The following PUDP variants were observed in gnomAD, a reference collection of about 807,000 sequenced individuals.
PUDP encodes pseudouridine-5'-phosphatase.
A neutral mutation model predicts 9.4 loss-of-function variants in PUDP; 8 were observed. The ratio of observed to expected loss-of-function variants is 0.85; its 90% CI spans 0.50 to 1.53. The LOEUF (loss-of-function observed/expected upper bound fraction) is 1.53. PUDP is among the 40% of genes most tolerant of loss of function. The probability of loss-of-function intolerance (pLI) is 0.00; values close to 1 mark genes in which losing one functional copy is unlikely to be tolerated. For missense variants in PUDP, 188 were observed against 189.7 expected (o/e 0.99, Z 0.05); for synonymous variants, 99 against 80.7 (o/e 1.23, Z -1.22).
intron 3 of PUDP, among the ~76,000 whole-genome samples, chrX:6,762,540 G>A (rs751762196): frequency 8.9e-6 from 1 of 112,489 alleles, no homozygotes; most frequent in African/African-American, 3.2e-5. Context: ...GAGAAAGAAT[G>A]AGTGAGGAAA....
chrX:7,007,157 T>C (rs921311614), intron 1 of PUDP, among the ~76,000 whole-genome samples: 1 of 110,081 alleles, frequency 9.1e-6, no homozygotes, highest in Non-Finnish European at 1.9e-5. Flanking sequence ...CTGACTAAAA[T>C]TGGAGGGTTT....
At position 6,751,165 on chromosome X, in the gene PUDP, GAAAGAAAGAAAGAAAA is replaced by G. The variant is rs1466594482; in HGVS notation, c.*248-44715_*248-44700del. On this transcript the variant is annotated intron_variant and NMD_transcript_variant, in intron 3 of 3. Coordinates refer to the PUDP transcript ENST00000655425. Reference sequence around the variant, plus strand: ...TAAAAAAAAGGAAAGAAAGAAAAAAGAAAGAAAGAAAGAAAAAAAGAAAGAAAGAAAGAAAGAAAAA... The same window carrying G: ...TAAAAAAAAGGAAAGAAAGAAAAAAGAAAGAAAGAAAGAAAGAAAGAAAAA... 2.3e-3 allele frequency among the ~76,000 whole-genome samples: 252 copies of G among 107,740 alleles called. 4 individuals carry two copies. Among genetic ancestry groups the G allele is most frequent in the Admixed American group, 0.023 (231 of 9,979 alleles). The allele number at this position is 107,740 out of a possible 115,157, so 93.6% of individuals were successfully genotyped here.
intron 3 of PUDP, among the ~76,000 whole-genome samples, chrX:6,818,267 A>G (rs1926283799): frequency 8.9e-6 from 1 of 112,144 alleles, no homozygotes; most frequent in African/African-American, 3.2e-5. Context: ...AGGAAAGTCT[A>G]TAAAGATGAT....
rs182257555 is a variant in PUDP, at chrX:7,077,378, C to T, written c.352G>A (p.Ala118Thr). The T allele has an allele frequency of 2.1e-5, 25 of 1,208,678 alleles. No individual in the cohort carries two copies. The highest frequency in any genetic ancestry group is 2.6e-5 in the Non-Finnish European group (23 of 894,722). ...CGGCTTGTCTTCATATCGAACGACG[C>T]GGACCCCGAGCTGGTGGCCAGTGCA... ...PFALATSSGS[A>T]SFDMKTSRHK... Residue 118 changes from alanine to threonine, a missense_variant, in exon 3 of 4, where the codon GCG (alanine) becomes ACG (threonine). Transcript: ENST00000381077.
At chrX:6,860,349 AG>A (rs796489757) in intron 3 of PUDP, among the ~76,000 whole-genome samples, 1 of 110,591 alleles carries the variant, frequency 9.0e-6, no homozygotes, top group East Asian at 2.8e-4. Context: ...TATGTTTCCC[AG>A]GGTCATCTAA....
At chrX:6,728,840 G>A (rs932106505) in intron 3 of PUDP, among the ~76,000 whole-genome samples, 3 of 111,023 alleles carry the variant, frequency 2.7e-5, no homozygotes, top group East Asian at 2.8e-4. Context: ...TTCCAGGATC[G>A]CACCCAGGAT....
At position 6,751,218 on chromosome X, in the gene PUDP, C is replaced by G. The variant is rs779728658; in HGVS notation, c.*248-44752G>C. On this transcript the variant is annotated intron_variant and NMD_transcript_variant, in intron 3 of 3. Transcript: ENST00000655425. ...GAAAGAAAGAAAAAGAAAATTGCAA[C>G]TGTGTCATGATGGTTGCAATTGTGA... Among the ~76,000 whole-genome samples, 5 of 111,273 alleles carry G rather than the reference C, an allele frequency of 4.5e-5. No individual in the cohort carries two copies. The South Asian group carries it at 1.2e-3, about 26-fold the overall frequency.
At chrX:6,999,171 A>G (rs1461838773) in intron 1 of PUDP, among the ~76,000 whole-genome samples, 1 of 111,196 alleles carries the variant, frequency 9.0e-6, no homozygotes, top group Non-Finnish European at 1.9e-5. Context: ...TCACACAGCA[A>G]TAACTAGACC....
At chrX:6,759,169 G>A (rs916032958) in intron 3 of PUDP, among the ~76,000 whole-genome samples, 15 of 112,321 alleles carry the variant, frequency 1.3e-4, no homozygotes, top group African/African-American at 4.5e-4. Flanking sequence ...GGAGCCCAAA[G>A]AGTCAGCTGT....
At chrX:6,956,870 C>T (rs1206990548) in intron 3 of PUDP, among the ~76,000 whole-genome samples, 1 of 111,103 alleles carries the variant, frequency 9.0e-6, no homozygotes, top group African/African-American at 3.3e-5. Context: ...GTGTTTTGTA[C>T]TCTGTTGGGT....
chrX:6,720,431 C>T (rs1224707332), intron 1 of PUDP, among the ~76,000 whole-genome samples: 1 of 105,522 alleles, frequency 9.5e-6, no homozygotes, highest in African/African-American at 3.5e-5. Flanking sequence ...TATGATCTCA[C>T]TTAGATTTGG....
At chrX:7,064,732 G>A (rs778243929) in intron 3 of PUDP, among the ~76,000 whole-genome samples, 1 of 111,608 alleles carries the variant, frequency 9.0e-6, no homozygotes, top group Non-Finnish European at 1.9e-5. Context: ...AACAGTATGT[G>A]ATTAAACTAT....
chrX:7,088,497 C>A (rs1417972975), intron 2 of PUDP, among the ~76,000 whole-genome samples: 1 of 111,982 alleles, frequency 8.9e-6, no homozygotes, highest in Admixed American at 9.5e-5. Context: ...AAAAATGACT[C>A]AATATTTCCC....
At chrX:6,986,222 T>C (rs960142079) in intron 1 of PUDP, among the ~76,000 whole-genome samples, 2 of 112,100 alleles carry the variant, frequency 1.8e-5, no homozygotes, top group Non-Finnish European at 3.8e-5. Flanking sequence ...GCCATTCTTT[T>C]ATTCCTCTCC....
chrX:6,932,650 G>A (rs1462441807), intron 3 of PUDP, among the ~76,000 whole-genome samples: 1 of 111,921 alleles, frequency 8.9e-6, no homozygotes, highest in South Asian at 3.7e-4. Flanking sequence ...CCGTGCGCGA[G>A]CCGAAGCAGG....
intron 1 of PUDP, among the ~76,000 whole-genome samples, chrX:7,128,791 CTG>C (rs1294742660): frequency 1.8e-5 from 2 of 112,071 alleles, no homozygotes; most frequent in Non-Finnish European, 3.8e-5. Flanking sequence ...ATCTTACATT[CTG>C]TGTTTACATT....
chrX:7,012,508 T>C (rs185451016), intron 1 of PUDP, among the ~76,000 whole-genome samples: 17 of 111,710 alleles, frequency 1.5e-4, no homozygotes, highest in African/African-American at 4.9e-4. Flanking sequence ...TCATTCTGCT[T>C]GGCAGAGTCA....
intron 3 of PUDP, among the ~76,000 whole-genome samples, chrX:6,807,457 C>T (rs1435663469): frequency 1.8e-5 from 2 of 112,547 alleles, no homozygotes; most frequent in Non-Finnish European, 3.7e-5. Flanking sequence ...AGCTTCCCCT[C>T]TCGTACCATT....
At position 6,752,129 on chromosome X, in the gene PUDP, TCCTTC is replaced by T. The variant is rs1925100432; in HGVS notation, c.*248-45668_*248-45664del. Reference sequence around the variant, plus strand: ...CTATAAATCCTCATTCATTCTGACCTCCTTCGGAAGCATTTAAACCCCATATCACT... The same window carrying T: ...CTATAAATCCTCATTCATTCTGACCTGGAAGCATTTAAACCCCATATCACT... On this transcript the variant is annotated intron_variant and NMD_transcript_variant, in intron 3 of 3. Transcript: ENST00000655425. Among the ~76,000 whole-genome samples, 7 of 111,769 alleles carry T rather than the reference TCCTTC, an allele frequency of 6.3e-5. No individual in the cohort carries two copies. The East Asian group carries it at 1.1e-3, about 18-fold the overall frequency.
Sources: allele counts gnomAD v4.1 joint callset (sites outside exome capture counted in the v4.1 genomes callset), GRCh38; gene constraint gnomAD v4.1.1; transcripts MANE v1.5; gene names NCBI Gene and HGNC (gene_info 2026-07-23, HGNC 2026-07-21).